The following STARD13 variants were observed in gnomAD, a reference collection of about 807,000 sequenced individuals.
STARD13 encodes stAR-related lipid transfer protein 13.
In STARD13, 62 loss-of-function variants were observed where a neutral mutation model predicts 106.4. That is an observed-to-expected ratio of 0.58 (90% CI 0.48 to 0.72). The LOEUF is 0.72. Ranked by LOEUF, STARD13 falls within the 30% of genes least tolerant of loss-of-function variation. The pLI is 0.00. For synonymous variants in STARD13, 565 were observed against 553.0 expected, an observed-to-expected ratio of 1.02 and a Z score of -0.31; for missense variants, 1,387 against 1,424.0, an observed-to-expected ratio of 0.97 and a Z score of 0.42.
chr13:33,620,717 A>T, the STARD13 span, among the ~76,000 whole-genome samples: 160 of 151,240 alleles, frequency 1.1e-3, no homozygotes, highest in Admixed American at 2.9e-3. Flanking sequence ...AAATAATAAT[A>T]CATCTAGAAA....
At chr13:33,551,568 C>CTTTTT in the STARD13 span, among the ~76,000 whole-genome samples, 20 of 44,794 alleles carry the variant, frequency 4.5e-4, 7 homozygotes, top group African/African-American at 6.3e-4. Context: ...TTTGCTTTTC[C>CTTTTT]CTTTTTTTTT....
At chr13:33,388,986 G>A in the STARD13 span, among the ~76,000 whole-genome samples, 7 of 134,602 alleles carry the variant, frequency 5.2e-5, no homozygotes, top group Non-Finnish European at 1.1e-4. Context: ...ATGAAGTTTC[G>A]TTCTTGTTGC....
At chr13:33,263,510 G>C (rs1372709235) in intron 1 of STARD13, among the ~76,000 whole-genome samples, 1 of 152,218 alleles carries the variant, frequency 6.6e-6, no homozygotes, top group East Asian at 1.9e-4. Flanking sequence ...CTTGCTTAGA[G>C]ATTCTGGATT....
chr13:33,276,514 T>C (rs1284911096), intron 1 of STARD13, among the ~76,000 whole-genome samples: 1 of 152,204 alleles, frequency 6.6e-6, no homozygotes, highest in Non-Finnish European at 1.5e-5. Flanking sequence ...TTCAGGGTGG[T>C]ATAACTCTCA....
the STARD13 span, among the ~76,000 whole-genome samples, chr13:33,474,962 T>G: frequency 6.6e-6 from 1 of 152,202 alleles, no homozygotes; most frequent in African/African-American, 2.4e-5. Context: ...CAAGTTTTGC[T>G]TAATATCTCA....
chr13:33,490,890 T>A, the STARD13 span, among the ~76,000 whole-genome samples: 1 of 152,160 alleles, frequency 6.6e-6, no homozygotes, highest in South Asian at 2.1e-4. Context: ...CCATTAGACA[T>A]TACCATGGGG....
At chr13:33,260,759 A>G (rs1357643678) in intron 1 of STARD13, among the ~76,000 whole-genome samples, 1 of 152,252 alleles carries the variant, frequency 6.6e-6, no homozygotes, top group Non-Finnish European at 1.5e-5. Context: ...AAAAGAATTC[A>G]TAAGTTTGAC....
intron 1 of STARD13, among the ~76,000 whole-genome samples, chr13:33,302,536 C>T (rs1368862485): frequency 6.6e-6 from 1 of 152,140 alleles, no homozygotes; most frequent in African/African-American, 2.4e-5. Context: ...CCCACTTCAG[C>T]CTCCCAAGTA....
the STARD13 span, among the ~76,000 whole-genome samples, chr13:33,459,627 C>T: frequency 6.6e-6 from 1 of 152,088 alleles, no homozygotes; most frequent in African/African-American, 2.4e-5. Flanking sequence ...AAGGTGAAAT[C>T]GTATGATAGG....
chr13:33,208,674 G>C lies in STARD13; in HGVS notation c.170-41052C>G, dbSNP rs1030141668. On this transcript the variant is annotated intron_variant, in intron 1 of 13. Transcript: ENST00000336934. ...GTAGGCAGATGGCTCCACTCAGGAG[G>C]CTATGGCAATTATTTCAGCAAGAGG... is the stretch of plus-strand genomic sequence containing the variant. 7.9e-5 allele frequency among the ~76,000 whole-genome samples: 12 copies of C among 152,224 alleles called. No homozygotes were observed. The East Asian group carries it at 2.3e-3, about 29-fold the overall frequency.
the STARD13 span, among the ~76,000 whole-genome samples, chr13:33,613,699 C>T: frequency 6.6e-6 from 1 of 152,132 alleles, no homozygotes; most frequent in Non-Finnish European, 1.5e-5. Flanking sequence ...GAATGAAGGT[C>T]CTGACAGGAC....
At chr13:33,604,372 T>A in the STARD13 span, among the ~76,000 whole-genome samples, 26 of 152,040 alleles carry the variant, frequency 1.7e-4, no homozygotes, top group African/African-American at 6.3e-4. Flanking sequence ...CACATGATAG[T>A]GAAATTACAG....
chr13:33,250,482 T>C (rs758774865), intron 1 of STARD13, among the ~76,000 whole-genome samples: 1 of 152,204 alleles, frequency 6.6e-6, no homozygotes, highest in Non-Finnish European at 1.5e-5. Context: ...GAGTTGCAGA[T>C]GTGGCATGGA....
chr13:33,273,392 A>G (rs972181635), intron 1 of STARD13, among the ~76,000 whole-genome samples: 1 of 152,238 alleles, frequency 6.6e-6, no homozygotes, highest in Admixed American at 6.5e-5. Context: ...CAAGATTAAC[A>G]TGTAACTTAT....
chr13:33,219,959 A>C (rs1451074361), intron 1 of STARD13, among the ~76,000 whole-genome samples: 1 of 152,168 alleles, frequency 6.6e-6, no homozygotes, highest in Non-Finnish European at 1.5e-5. Context: ...AAAAGTTACA[A>C]TCAGACGCCT....
intron 3 of STARD13, among the ~76,000 whole-genome samples, chr13:33,157,459 C>G (rs544118945): frequency 1.3e-5 from 2 of 152,066 alleles, no homozygotes; most frequent in Non-Finnish European, 2.9e-5. Flanking sequence ...CTTGAGGTCA[C>G]GAGTTTGAAA....
At chr13:33,146,540 C>G (rs9568929) in intron 3 of STARD13, among the ~76,000 whole-genome samples, 120,168 of 151,988 alleles carry the variant, frequency 0.79, 47,629 homozygotes, top group African/African-American at 0.81. Flanking sequence ...CTGTACATTT[C>G]ACAAAATTAA....
chr13:33,655,738 C>T, the STARD13 span, among the ~76,000 whole-genome samples: 10 of 152,220 alleles, frequency 6.6e-5, no homozygotes, highest in South Asian at 8.3e-4. Flanking sequence ...ATAAATGCAT[C>T]GATGAATGAA....
At chr13:33,576,770 C>A in the STARD13 span, among the ~76,000 whole-genome samples, 1 of 152,088 alleles carries the variant, frequency 6.6e-6, no homozygotes, top group Non-Finnish European at 1.5e-5. Flanking sequence ...AGACATATTA[C>A]AATATTTAAT....
Sources: allele counts gnomAD v4.1 joint callset (sites outside exome capture counted in the v4.1 genomes callset), GRCh38; gene constraint gnomAD v4.1.1; transcripts MANE v1.5; gene names NCBI Gene and HGNC (gene_info 2026-07-23, HGNC 2026-07-21).